The following COL4A6 variants were observed in gnomAD, a reference collection of about 807,000 sequenced individuals.
COL4A6 encodes collagen type IV alpha 6 chain.
Under a neutral mutation model 126.7 loss-of-function variants are expected in COL4A6, and 59 were observed. The ratio of observed to expected loss-of-function variants is 0.47; its 90% CI spans 0.38 to 0.58. COL4A6 has a LOEUF of 0.58. Among genes scored for constraint, COL4A6 ranks in the 20% least tolerant of loss-of-function variants. The pLI is 0.00. For synonymous variants in COL4A6, 547 were observed against 496.6 expected, an observed-to-expected ratio of 1.10 and a Z score of -1.35; for missense variants, 1,285 against 1,337.3, an observed-to-expected ratio of 0.96 and a Z score of 0.61.
intron 3 of COL4A6, among the ~76,000 whole-genome samples, chrX:108,274,353 TG>T (rs1310942096): frequency 9.0e-6 from 1 of 111,084 alleles, no homozygotes; most frequent in Non-Finnish European, 1.9e-5. Flanking sequence ...ATGATTTCAG[TG>T]GGTCTTGGGT....
intron 2 of COL4A6, among the ~76,000 whole-genome samples, chrX:108,367,448 C>CA (rs1569445076): frequency 9.0e-6 from 1 of 111,475 alleles, no homozygotes; most frequent in East Asian, 2.8e-4. Flanking sequence ...AACATACCCT[C>CA]GTGTCTTAAA....
At chrX:108,348,217 C>T (rs2039756944) in intron 2 of COL4A6, among the ~76,000 whole-genome samples, 1 of 112,033 alleles carries the variant, frequency 8.9e-6, no homozygotes, top group African/African-American at 3.2e-5. Flanking sequence ...TCTTCAAATG[C>T]GTGAAGAACA....
intron 2 of COL4A6, among the ~76,000 whole-genome samples, chrX:108,357,462 GC>G (rs1165762590): frequency 9.0e-6 from 1 of 111,151 alleles, no homozygotes; most frequent in Non-Finnish European, 1.9e-5. Context: ...TTACACCCTG[GC>G]CTCAGTTTCC....
At chrX:108,344,867 T>C (rs1360375955) in intron 2 of COL4A6, among the ~76,000 whole-genome samples, 1 of 111,830 alleles carries the variant, frequency 8.9e-6, no homozygotes, top group Non-Finnish European at 1.9e-5. Context: ...ATTCAAATAT[T>C]TGAGTGGATA....
rs916741028 is a variant in COL4A6 at position 108,325,647 on chromosome X, T to A, written c.64-14819A>T. Reference sequence around the variant, plus strand: ...ATTACAGACCAATATTTTTCAGGGATATAGATACAAAACTTCTTAACAAAA... The same window carrying A: ...ATTACAGACCAATATTTTTCAGGGAAATAGATACAAAACTTCTTAACAAAA... On this transcript the variant is annotated intron_variant, in intron 2 of 44. Coordinates refer to ENST00000334504, the MANE Select transcript of COL4A6 (RefSeq NM_033641.4). Among the ~76,000 whole-genome samples the A allele has an allele frequency of 2.7e-5, 3 of 111,418 alleles. No individual in the cohort carries two copies. The Admixed American group carries it at 2.9e-4, about 11-fold the overall frequency.
intron 3 of COL4A6, among the ~76,000 whole-genome samples, chrX:108,241,550 AAT>A (rs764751621): frequency 0.064 from 6,195 of 96,675 alleles, 454 homozygotes; most frequent in African/African-American, 0.2. Context: ...TATAATAGTA[AAT>A]ATATATATAT....
At chrX:108,209,077 A>G (rs2035627032) in intron 8 of COL4A6, among the ~76,000 whole-genome samples, 1 of 112,196 alleles carries the variant, frequency 8.9e-6, no homozygotes. Flanking sequence ...GTTTTGCCCT[A>G]GGGAATATGT....
chrX:108,304,477 C>T (rs776271011), intron 3 of COL4A6, among the ~76,000 whole-genome samples: 2 of 111,465 alleles, frequency 1.8e-5, no homozygotes, highest in South Asian at 7.6e-4. Flanking sequence ...TCCCCCCTCC[C>T]ACAAGGAAGA....
intron 8 of COL4A6, among the ~76,000 whole-genome samples, chrX:108,207,036 A>G (rs1187155195): frequency 9.0e-6 from 1 of 111,708 alleles, no homozygotes; most frequent in Non-Finnish European, 1.9e-5. Context: ...GGTTTGGATT[A>G]CATACAAGTA....
intron 6 of COL4A6, among the ~76,000 whole-genome samples, chrX:108,212,231 TAA>T (rs35020607): frequency 6.8e-4 from 67 of 98,387 alleles, no homozygotes; most frequent in South Asian, 5.3e-3. Context: ...TTTTATTATT[TAA>T]AAAAAAAAAA....
chrX:108,437,577 A>T, intron 2 of COL4A6, among the ~76,000 whole-genome samples: 2 of 111,552 alleles, frequency 1.8e-5, no homozygotes, highest in South Asian at 7.6e-4. Context: ...TCCCACTCTC[A>T]AACTAGTGTG....
In COL4A6 at chrX:108,164,797, G is replaced by A. The variant is rs766605097; in HGVS notation, c.3970+80C>T. The A allele has an allele frequency of 1.3e-5, 15 of 1,180,801 alleles. No homozygotes were observed. The Admixed American group carries it at 2.0e-4, about 16-fold the overall frequency. On this transcript the variant is annotated intron_variant, in intron 39 of 44. Coordinates refer to ENST00000334504, the MANE Select transcript of COL4A6 (RefSeq NM_033641.4). Reference sequence around the variant, plus strand: ...GAGGTAGGGAAGAACATCAGCCACCGGCCTCTCTTCACAGGACTGCAGGAA... The same window carrying A: ...GAGGTAGGGAAGAACATCAGCCACCAGCCTCTCTTCACAGGACTGCAGGAA...
At chrX:108,237,859 CATCTATCTATCT>C (rs36190820) in intron 3 of COL4A6, among the ~76,000 whole-genome samples, 2,126 of 91,609 alleles carry the variant, frequency 0.023, 24 homozygotes, top group Middle Eastern at 0.055. Context: ...CTGTCTCTAT[CATCTATCTATCT>C]ATCTATCTAT....
chrX:108,292,441 G>T (rs886624973), intron 3 of COL4A6, among the ~76,000 whole-genome samples: 12 of 112,066 alleles, frequency 1.1e-4, no homozygotes, highest in African/African-American at 3.9e-4. Context: ...CCGCCTCTTA[G>T]AAAGATTGTT....
Position 108,201,212 on chromosome X carries a change from A to T in COL4A6, c.834+1716T>A, listed in dbSNP as rs2035381665. Among the ~76,000 whole-genome samples the T allele has an allele frequency of 1.8e-5, 2 of 111,819 alleles. 1 individual carries two copies. Among genetic ancestry groups the T allele is most frequent in the Admixed American group, 1.9e-4 (2 of 10,553 alleles). On this transcript the variant is annotated intron_variant, in intron 13 of 44. Transcript: ENST00000334504. ...CTATCTCAAAGTACTGTAGGGAAGG[A>T]ATGGAGTCATCTATCCCCACTGGCC...
chrX:108,317,771 T>A (rs895969036), intron 2 of COL4A6, among the ~76,000 whole-genome samples: 1 of 111,957 alleles, frequency 8.9e-6, no homozygotes, highest in African/African-American at 3.2e-5. Flanking sequence ...GGCTCCGTTC[T>A]GTTCCATTGA....
At position 108,159,419 on chromosome X, in the gene COL4A6, C is replaced by T. The variant is rs772376757; in HGVS notation, c.4812+43G>A. ...TGAGCCTGGGAACCAGTCCAAGGGGCCCTTTGCCTCCAACTGGGGGAGGAG... is the reference window on the plus strand; with the variant it reads ...TGAGCCTGGGAACCAGTCCAAGGGGTCCTTTGCCTCCAACTGGGGGAGGAG... On this transcript the variant is annotated intron_variant, in intron 44 of 44. Transcript: ENST00000334504. 4 of 1,195,639 alleles carry T rather than the reference C, an allele frequency of 3.3e-6. No homozygotes were observed. In the African/African-American group the frequency reaches 5.3e-5, roughly 16 times the overall value.
chrX:108,438,550 C>G (rs1213637800), upstream of COL4A6: 1 of 749,348 alleles, frequency 1.3e-6, no homozygotes. Flanking sequence ...CACAACAGCC[C>G]TAAGTATCTC....
chrX:108,347,520 G>C (rs755602640), intron 2 of COL4A6, among the ~76,000 whole-genome samples: 1 of 111,377 alleles, frequency 9.0e-6, no homozygotes, highest in African/African-American at 3.3e-5. Flanking sequence ...TGTCAGAAAA[G>C]GATCTGTCAA....
Sources: allele counts gnomAD v4.1 joint callset (sites outside exome capture counted in the v4.1 genomes callset), GRCh38; gene constraint gnomAD v4.1.1; transcripts MANE v1.5; gene names NCBI Gene and HGNC (gene_info 2026-07-23, HGNC 2026-07-21).